Variants in EXOC4 observed in about 807,000 individuals in gnomAD.
The protein encoded by EXOC4 is exocyst complex component 4.
In EXOC4, 71 loss-of-function variants were observed where a neutral mutation model predicts 107.2. The observed-to-expected ratio is 0.66, with a 90% CI of 0.55 to 0.81. EXOC4 has a LOEUF of 0.81. EXOC4 is among the 30% of genes least tolerant of loss of function. The pLI, the probability that EXOC4 is intolerant of heterozygous loss-of-function variation, is 0.00. For synonymous variants in EXOC4, 456 were observed against 441.2 expected, an observed-to-expected ratio of 1.03 and a Z score of -0.42; for missense variants, 1,108 against 1,189.6, an observed-to-expected ratio of 0.93 and a Z score of 1.01.
intron 10 of EXOC4, among the ~76,000 whole-genome samples, chr7:133,682,748 T>C (rs775046096): frequency 3.9e-5 from 6 of 152,186 alleles, no homozygotes; most frequent in Non-Finnish European, 5.9e-5. Context: ...ATCTACCACA[T>C]GTAAAGTAGT....
chr7:133,276,727 A>G (rs1480563654), intron 2 of EXOC4, among the ~76,000 whole-genome samples: 1 of 152,168 alleles, frequency 6.6e-6, no homozygotes, highest in Non-Finnish European at 1.5e-5. Flanking sequence ...GAGATTGGTT[A>G]GGGGACTGGC....
At chr7:133,387,464 C>A (rs910672299) in intron 7 of EXOC4, among the ~76,000 whole-genome samples, 3 of 152,122 alleles carry the variant, frequency 2.0e-5, no homozygotes, top group African/African-American at 7.2e-5. Context: ...CCAAAGTTGG[C>A]AAACATAGAT....
At chr7:133,739,247 T>C (rs1283930904) in intron 10 of EXOC4, among the ~76,000 whole-genome samples, 1 of 150,510 alleles carries the variant, frequency 6.6e-6, no homozygotes. Flanking sequence ...TGTGTGTGTG[T>C]GTGTGTGTGT....
intron 10 of EXOC4, among the ~76,000 whole-genome samples, chr7:133,705,373 TAAG>T (rs1007874028): frequency 2.6e-5 from 4 of 152,010 alleles, no homozygotes; most frequent in African/African-American, 7.2e-5. Flanking sequence ...TCTCAAAAAA[TAAG>T]AAGAAGAATA....
intron 10 of EXOC4, among the ~76,000 whole-genome samples, chr7:133,745,450 C>T (rs182454080): frequency 1.6e-4 from 25 of 152,034 alleles, no homozygotes; most frequent in Non-Finnish European, 3.1e-4. Context: ...TATTAAATGA[C>T]TAACATATAG....
chr7:133,633,306 C>G (rs1802632930), intron 10 of EXOC4, among the ~76,000 whole-genome samples: 1 of 152,122 alleles, frequency 6.6e-6, no homozygotes, highest in Admixed American at 6.5e-5. Flanking sequence ...TCCTAATGCT[C>G]TTGAATGTGT....
At chr7:133,521,386 A>G (rs1044392990) in intron 9 of EXOC4, among the ~76,000 whole-genome samples, 18 of 152,216 alleles carry the variant, frequency 1.2e-4, no homozygotes, top group Admixed American at 2.6e-4. Flanking sequence ...ACTTAAAAAT[A>G]CGTTCTTTTA....
intron 4 of EXOC4, among the ~76,000 whole-genome samples, chr7:133,313,235 A>G (rs1794916925): frequency 6.6e-6 from 1 of 150,394 alleles, no homozygotes; most frequent in Non-Finnish European, 1.5e-5. Flanking sequence ...CTGTCATTTG[A>G]AACGATGGCT....
chr7:133,866,086 T>C (rs1184470809), intron 11 of EXOC4, among the ~76,000 whole-genome samples: 1 of 152,366 alleles, frequency 6.6e-6, no homozygotes, highest in East Asian at 1.9e-4. Context: ...GATGGGAAAC[T>C]ATTAATAACT....
intron 7 of EXOC4, among the ~76,000 whole-genome samples, chr7:133,408,907 G>A (rs1248333327): frequency 6.6e-6 from 1 of 152,138 alleles, no homozygotes; most frequent in Non-Finnish European, 1.5e-5. Flanking sequence ...GCATATTTCA[G>A]TATCCAACAA....
intron 14 of EXOC4, among the ~76,000 whole-genome samples, chr7:133,954,818 T>C (rs1209532073): frequency 6.6e-6 from 1 of 152,220 alleles, no homozygotes; most frequent in Non-Finnish European, 1.5e-5. Flanking sequence ...CAGCCACTGC[T>C]CACAGCCAGA....
intron 10 of EXOC4, among the ~76,000 whole-genome samples, chr7:133,702,706 C>A (rs1326085659): frequency 1.3e-5 from 2 of 152,036 alleles, no homozygotes; most frequent in Admixed American, 6.5e-5. Context: ...GATGAGGAAG[C>A]ATTGTGCTAG....
At chr7:133,546,159 T>C (rs1056389375) in intron 9 of EXOC4, among the ~76,000 whole-genome samples, 10 of 152,210 alleles carry the variant, frequency 6.6e-5, no homozygotes, top group African/African-American at 2.4e-4. Context: ...GGGTACTGTT[T>C]TTAAACTATA....
intron 14 of EXOC4, among the ~76,000 whole-genome samples, chr7:133,986,491 G>A (rs917998199): frequency 2.0e-5 from 3 of 152,158 alleles, no homozygotes; most frequent in African/African-American, 7.2e-5. Context: ...GGAAAAGAGT[G>A]ATCAAAAATA....
intron 1 of EXOC4, among the ~76,000 whole-genome samples, chr7:133,266,583 A>G (rs1403692073): frequency 6.6e-6 from 1 of 152,242 alleles, no homozygotes; most frequent in Non-Finnish European, 1.5e-5. Flanking sequence ...TTAATAAAAC[A>G]TAATTTGATC....
intron 10 of EXOC4, among the ~76,000 whole-genome samples, chr7:133,776,220 T>C (rs1016632321): frequency 5.8e-4 from 22 of 37,820 alleles, no homozygotes; most frequent in African/African-American, 1.6e-3. Flanking sequence ...TATTTTCTAA[T>C]TCCACCCGTC....
At chr7:133,997,063 G>A (rs181145151) in intron 14 of EXOC4, among the ~76,000 whole-genome samples, 2 of 152,312 alleles carry the variant, frequency 1.3e-5, no homozygotes, top group East Asian at 3.9e-4. Context: ...AGGCTGCCTT[G>A]AAAGGTATTG....
At chr7:133,519,931 TA>T (rs1218758016) in intron 9 of EXOC4, among the ~76,000 whole-genome samples, 1 of 152,188 alleles carries the variant, frequency 6.6e-6, no homozygotes, top group Admixed American at 6.5e-5. Context: ...ATGTGTGGTT[TA>T]ATTCACCTCA....
chr7:133,711,743 A>G (rs1794897337), intron 10 of EXOC4, among the ~76,000 whole-genome samples: 1 of 152,202 alleles, frequency 6.6e-6, no homozygotes, highest in African/African-American at 2.4e-5. Flanking sequence ...GGAATCATTT[A>G]GGAGATTTCC....
Sources: gnomAD v4.1 joint callset for allele counts (sites outside exome capture counted in the v4.1 genomes callset) on GRCh38, gnomAD v4.1.1 for gene constraint, MANE v1.5 for transcripts, NCBI Gene and HGNC (gene_info 2026-07-23, HGNC 2026-07-21) for gene names.